The following ZNF385D variants were observed in gnomAD, a reference collection of about 807,000 sequenced individuals.
ZNF385D encodes the protein zinc finger protein 659.
ZNF385D carries 15 observed loss-of-function variants against 35.8 expected under a neutral mutation model. The observed-to-expected ratio is 0.42, with a 90% CI of 0.28 to 0.64. The LOEUF (loss-of-function observed/expected upper bound fraction) is 0.64, where lower values mean the gene tolerates loss of function less well. Ranked by LOEUF, ZNF385D falls within the 30% of genes least tolerant of loss-of-function variation. ZNF385D has a pLI of 0.23. For synonymous variants in ZNF385D, 212 were observed against 186.8 expected (o/e 1.13, Z -1.10); for missense variants, 474 against 494.6 (o/e 0.96, Z 0.39).
chr3:21,917,154 T>C (rs1700228635), intron 3 of ZNF385D, among the ~76,000 whole-genome samples: 1 of 152,170 alleles, frequency 6.6e-6, no homozygotes, highest in African/African-American at 2.4e-5. Context: ...AAGTCTGGCC[T>C]GGTGCGGTGG....
At chr3:21,497,332 C>A (rs6768549) in intron 4 of ZNF385D, among the ~76,000 whole-genome samples, 7,387 of 152,134 alleles carry the variant, frequency 0.049, 614 homozygotes, top group African/African-American at 0.17. Context: ...GCTGGAAATA[C>A]AGTTAACCAG....
intron 2 of ZNF385D, among the ~76,000 whole-genome samples, chr3:21,663,659 A>G (rs1266987283): frequency 1.3e-5 from 2 of 151,738 alleles, no homozygotes; most frequent in Non-Finnish European, 2.9e-5. Flanking sequence ...TGTAAAGGTG[A>G]CCTTTATGTT....
At chr3:22,279,769 T>C (rs571920636) in intron 2 of ZNF385D, among the ~76,000 whole-genome samples, 291 of 151,942 alleles carry the variant, frequency 1.9e-3, no homozygotes, top group Non-Finnish European at 2.9e-3. Flanking sequence ...AACTAATTTG[T>C]ATAATGACTT....
intron 2 of ZNF385D, among the ~76,000 whole-genome samples, chr3:22,327,488 T>C (rs898171791): frequency 6.6e-6 from 1 of 152,168 alleles, no homozygotes. Context: ...CAGAAATTAA[T>C]GAAAGTTATA....
chr3:22,179,439 A>G (rs1168225915), intron 2 of ZNF385D, among the ~76,000 whole-genome samples: 1 of 152,248 alleles, frequency 6.6e-6, no homozygotes, highest in African/African-American at 2.4e-5. Context: ...CTGATTTTGT[A>G]TCCTGAGACT....
chr3:22,199,566 A>G (rs759118704), intron 2 of ZNF385D, among the ~76,000 whole-genome samples: 4 of 152,112 alleles, frequency 2.6e-5, no homozygotes, highest in African/African-American at 4.8e-5. Flanking sequence ...AATGTACACT[A>G]CAGAAGGGAA....
At chr3:21,470,722 C>T (rs537708678) in intron 4 of ZNF385D, among the ~76,000 whole-genome samples, 7 of 152,026 alleles carry the variant, frequency 4.6e-5, no homozygotes, top group African/African-American at 7.2e-5. Context: ...TTCAGGCAGA[C>T]GTGTCCTCTA....
At chr3:22,317,422 CA>C in intron 2 of ZNF385D, among the ~76,000 whole-genome samples, 1 of 151,674 alleles carries the variant, frequency 6.6e-6, no homozygotes, top group South Asian at 2.1e-4. Context: ...GACTGGGAGT[CA>C]TCACCACCTC....
At chr3:22,178,022 G>C (rs991701316) in intron 2 of ZNF385D, among the ~76,000 whole-genome samples, 1 of 152,116 alleles carries the variant, frequency 6.6e-6, no homozygotes, top group East Asian at 1.9e-4. Flanking sequence ...CTTTGCTATT[G>C]TGAATACTGC....
intron 1 of ZNF385D, among the ~76,000 whole-genome samples, chr3:21,704,584 C>A (rs1173884913): frequency 6.6e-6 from 1 of 151,578 alleles, no homozygotes; most frequent in Non-Finnish European, 1.5e-5. Context: ...TCTCGGCTCA[C>A]TGCAGCATCT....
At chr3:22,129,754 A>G (rs1703663935) in intron 3 of ZNF385D, among the ~76,000 whole-genome samples, 1 of 152,146 alleles carries the variant, frequency 6.6e-6, no homozygotes, top group African/African-American at 2.4e-5. Flanking sequence ...AGGTGGGCCT[A>G]AAAACACTCT....
At chr3:21,940,305 G>A (rs528621874) in intron 3 of ZNF385D, among the ~76,000 whole-genome samples, 3 of 152,196 alleles carry the variant, frequency 2.0e-5, no homozygotes, top group Admixed American at 2.0e-4. Context: ...TTTGACACCA[G>A]TTCACCCAGT....
chr3:22,099,133 A>G (rs1288098089), intron 3 of ZNF385D, among the ~76,000 whole-genome samples: 2 of 152,120 alleles, frequency 1.3e-5, no homozygotes, highest in Non-Finnish European at 2.9e-5. Flanking sequence ...TAAGCAGCCA[A>G]TGAAAACATC....
chr3:22,186,864 T>C (rs560179787), intron 2 of ZNF385D, among the ~76,000 whole-genome samples: 1 of 152,314 alleles, frequency 6.6e-6, no homozygotes, highest in Admixed American at 6.5e-5. Flanking sequence ...TCAGTATTTT[T>C]AGTGTTTGTT....
intron 2 of ZNF385D, among the ~76,000 whole-genome samples, chr3:21,603,149 A>G (rs1006476913): frequency 4.6e-5 from 7 of 152,264 alleles, no homozygotes; most frequent in African/African-American, 1.7e-4. Flanking sequence ...CAAGCCATAT[A>G]GGAGACAAGA....
intron 3 of ZNF385D, among the ~76,000 whole-genome samples, chr3:22,102,496 T>C (rs1207153448): frequency 1.3e-5 from 2 of 152,042 alleles, no homozygotes; most frequent in Non-Finnish European, 2.9e-5. Flanking sequence ...TTGTACAATA[T>C]TTTAACTCAA....
At chr3:21,537,120 TCAA>T (rs200880312) in intron 3 of ZNF385D, among the ~76,000 whole-genome samples, 40 of 134,346 alleles carry the variant, frequency 3.0e-4, no homozygotes, top group African/African-American at 9.3e-4. Context: ...GAACAAAATA[TCAA>T]CTTTTTTTTT....
chr3:21,647,378 C>T (rs2065782694), intron 2 of ZNF385D, among the ~76,000 whole-genome samples: 1 of 150,998 alleles, frequency 6.6e-6, no homozygotes, highest in African/African-American at 2.4e-5. Context: ...CCCTTCCTTC[C>T]TTTCTACCGT....
At chr3:22,043,473 AATTT>A (rs111667583) in intron 3 of ZNF385D, among the ~76,000 whole-genome samples, 1,855 of 152,302 alleles carry the variant, frequency 0.012, 47 homozygotes, top group African/African-American at 0.042. Context: ...ATAATTATCA[AATTT>A]ATTTATGTAA....
Sources: allele counts gnomAD v4.1 joint callset (sites outside exome capture counted in the v4.1 genomes callset), GRCh38; gene constraint gnomAD v4.1.1; transcripts MANE v1.5; gene names NCBI Gene and HGNC (gene_info 2026-07-23, HGNC 2026-07-21).